PCDHA12: variants seen among roughly 807,000 people sequenced by gnomAD.
PCDHA12 encodes the protein protocadherin alpha 12, also known as protocadherin alpha-12.
In PCDHA12, 44 loss-of-function variants were observed where a neutral mutation model predicts 60.0. The observed-to-expected ratio is 0.73, with a 90% CI of 0.58 to 0.94. The LOEUF (loss-of-function observed/expected upper bound fraction) is 0.94. Among genes scored for constraint, PCDHA12 ranks in the 40% least tolerant of loss-of-function variants. PCDHA12 has a pLI of 0.00. For synonymous variants in PCDHA12, 569 were observed against 553.0 expected, an observed-to-expected ratio of 1.03 and a Z score of -0.40; for missense variants, 1,276 against 1,239.7, an observed-to-expected ratio of 1.03 and a Z score of -0.44.
intron 1 of PCDHA12, among the ~76,000 whole-genome samples, chr5:140,962,829 C>CT (rs1342441888): frequency 6.6e-6 from 1 of 152,190 alleles, no homozygotes; most frequent in East Asian, 1.9e-4. Flanking sequence ...CCATTTGTCT[C>CT]TTTTTTATTA....
chr5:140,884,484 T>C, intron 1 of PCDHA12: 2 of 1,613,922 alleles, frequency 1.2e-6, no homozygotes, highest in Non-Finnish European at 1.7e-6. Context: ...AAGCCCACTC[T>C]AGTGTGCTCC....
At chr5:140,894,710 G>A (rs1032103787) in intron 1 of PCDHA12, among the ~76,000 whole-genome samples, 1 of 151,116 alleles carries the variant, frequency 6.6e-6, no homozygotes, top group Non-Finnish European at 1.5e-5. Context: ...TGTTTAAGTT[G>A]TTTTCAAATA....
chr5:140,950,107 A>G (rs1196740444), intron 1 of PCDHA12, among the ~76,000 whole-genome samples: 1 of 151,920 alleles, frequency 6.6e-6, no homozygotes, highest in Non-Finnish European at 1.5e-5. Context: ...ATTAAATCTC[A>G]TACAATACAA....
intron 1 of PCDHA12, among the ~76,000 whole-genome samples, chr5:140,920,225 G>A (rs80019196): frequency 2.9e-3 from 441 of 151,762 alleles, no homozygotes; most frequent in African/African-American, 0.01. Flanking sequence ...CACATTTATA[G>A]TATTATATAC....
intron 1 of PCDHA12, among the ~76,000 whole-genome samples, chr5:140,975,572 C>T (rs1356117545): frequency 6.6e-6 from 1 of 152,202 alleles, no homozygotes; most frequent in African/African-American, 2.4e-5. Context: ...ATATTATATG[C>T]AGTCTCATGT....
At chr5:140,954,650 C>G (rs2095069221) in intron 1 of PCDHA12, among the ~76,000 whole-genome samples, 1 of 151,902 alleles carries the variant, frequency 6.6e-6, no homozygotes, top group Non-Finnish European at 1.5e-5. Context: ...TGTTTAAGTT[C>G]CTTGTAGACT....
chr5:140,882,771 T>C (rs148644909), intron 1 of PCDHA12: 19 of 1,614,110 alleles, frequency 1.2e-5, no homozygotes, highest in Non-Finnish European at 1.6e-5. Context: ...AACTCGGCAT[T>C]GACCTACCGA....
chr5:140,985,096 C>A (rs1486346952), intron 3 of PCDHA12, among the ~76,000 whole-genome samples: 1 of 152,096 alleles, frequency 6.6e-6, no homozygotes, highest in Non-Finnish European at 1.5e-5. Context: ...TGCCACCAAG[C>A]CTGGCTAATT....
At chr5:140,994,515 C>T (rs1450335712) in intron 3 of PCDHA12, among the ~76,000 whole-genome samples, 1 of 150,120 alleles carries the variant, frequency 6.7e-6, no homozygotes, top group African/African-American at 2.5e-5. Flanking sequence ...ACAGCCTGGG[C>T]AACATGGCAA....
chr5:140,918,051 A>G (rs782531005), intron 1 of PCDHA12, among the ~76,000 whole-genome samples: 2 of 151,984 alleles, frequency 1.3e-5, no homozygotes, highest in Non-Finnish European at 1.5e-5. Flanking sequence ...CATTTGTTTT[A>G]TCATCTCTGA....
chr5:140,927,796 C>T, intron 1 of PCDHA12: 1 of 1,614,202 alleles, frequency 6.2e-7, no homozygotes, highest in South Asian at 1.1e-5. Context: ...ACTAGGTCCG[C>T]CTGAAACGCT....
At chr5:140,975,236 T>A (rs562846037) in intron 1 of PCDHA12, among the ~76,000 whole-genome samples, 84 of 152,334 alleles carry the variant, frequency 5.5e-4, no homozygotes, top group African/African-American at 1.9e-3. Context: ...TCACATGGAA[T>A]CCCTCTTATG....
chr5:140,937,213 A>AT (rs1339770312), intron 1 of PCDHA12, among the ~76,000 whole-genome samples: 2 of 151,454 alleles, frequency 1.3e-5, no homozygotes, highest in Admixed American at 1.3e-4. Flanking sequence ...AATTTTTTGT[A>AT]TTTTTTGTAG....
chr5:140,976,414 G>A (rs1242756697), intron 1 of PCDHA12, among the ~76,000 whole-genome samples: 2 of 151,998 alleles, frequency 1.3e-5, no homozygotes, highest in African/African-American at 2.4e-5. Context: ...AGCCAGGTAC[G>A]GTGGCAGATG....
intron 1 of PCDHA12, among the ~76,000 whole-genome samples, chr5:140,899,684 G>T (rs1554188704): frequency 6.6e-6 from 1 of 152,154 alleles, no homozygotes; most frequent in African/African-American, 2.4e-5. Context: ...TCAGGATGAT[G>T]CTGGCCTCAT....
chr5:140,990,621 G>A (rs75224471), intron 3 of PCDHA12, among the ~76,000 whole-genome samples: 1,861 of 152,288 alleles, frequency 0.012, 44 homozygotes, highest in African/African-American at 0.043. Context: ...GTAAAGGTCT[G>A]TGGTAAGACT....
At chr5:140,882,655 C>T in intron 1 of PCDHA12, 5 of 1,614,196 alleles carry the variant, frequency 3.1e-6, no homozygotes, top group Non-Finnish European at 4.2e-6. Context: ...TTAACGACAA[C>T]CCGCCCATAT....
intron 3 of PCDHA12, among the ~76,000 whole-genome samples, chr5:141,005,531 G>A (rs1441846175): frequency 1.3e-5 from 2 of 151,072 alleles, no homozygotes; most frequent in African/African-American, 4.9e-5. Context: ...GTGAAACCCC[G>A]TCTCTACTAA....
chr5:140,929,398 AG>A, intron 1 of PCDHA12: 1 of 1,510,096 alleles, frequency 6.6e-7, no homozygotes, highest in Non-Finnish European at 8.9e-7. Flanking sequence ...AATATTTCTT[AG>A]ACAAGCCTTT....
Sources: allele counts gnomAD v4.1 joint callset (sites outside exome capture counted in the v4.1 genomes callset), GRCh38; gene constraint gnomAD v4.1.1; transcripts MANE v1.5; gene names NCBI Gene and HGNC (gene_info 2026-07-23, HGNC 2026-07-21).